SSUH2: variants seen among roughly 807,000 people sequenced by gnomAD.
The protein encoded by SSUH2 is protein SSUH2 homolog.
SSUH2 carries 47 observed loss-of-function variants against 55.3 expected under a neutral mutation model. The observed-to-expected ratio is 0.85, with a 90% CI of 0.67 to 1.08. The LOEUF is 1.08. Among genes scored for constraint, SSUH2 ranks in the 50% least tolerant of loss-of-function variants. SSUH2 has a pLI of 0.00. For synonymous variants in SSUH2, 212 were observed against 191.5 expected, an observed-to-expected ratio of 1.11 and a Z score of -0.89; for missense variants, 535 against 490.7, an observed-to-expected ratio of 1.09 and a Z score of -0.85.
intron 3 of SSUH2, among the ~76,000 whole-genome samples, chr3:8,674,001 G>A (rs114180775): frequency 1.6e-4 from 25 of 152,334 alleles, no homozygotes; most frequent in African/African-American, 3.1e-4. Context: ...GCTTTAGTCC[G>A]TCAAAGCGCG....
intron 1 of SSUH2, among the ~76,000 whole-genome samples, chr3:8,639,137 C>T (rs550710270): frequency 1.3e-5 from 2 of 152,308 alleles, no homozygotes; most frequent in Admixed American, 1.3e-4. Flanking sequence ...TCTTGACGGG[C>T]TCAGCAGGGA....
At position 8,633,677 on chromosome 3, in the gene SSUH2, T is replaced by C; in HGVS notation, c.328A>G (p.Thr110Ala). The C allele has an allele frequency of 6.6e-7, 1 of 1,524,098 alleles. No individual in the cohort carries two copies. The highest frequency in any genetic ancestry group is 8.8e-7 in the Non-Finnish European group (1 of 1,137,328). The allele number at this position is 1,524,098 out of a possible 1,614,324, so 94.4% of individuals were successfully genotyped here. Reference protein sequence around the residue: ...DLVIQELKRQTLCRYRLETFS... With the variant: ...DLVIQELKRQALCRYRLETFS... ...CCCTGGCCTCTCACCCTGCAGAGGG[T>C]CTGCCGCTTCAGCTCCTGGATGACG... Residue 110 changes from threonine to alanine, a missense_variant, in exon 4 of 12, where the codon ACC becomes GCC. Transcript: ENST00000544814.
chr3:8,631,313 A>T (rs1473488569), intron 5 of SSUH2, among the ~76,000 whole-genome samples: 2 of 152,194 alleles, frequency 1.3e-5, no homozygotes, highest in African/African-American at 4.8e-5. Context: ...TACTGAGGGG[A>T]TGACACACAA....
At chr3:8,659,577 T>C in intron 6 of SSUH2, 2 of 332,674 alleles carry the variant, frequency 6.0e-6, no homozygotes, top group Non-Finnish European at 1.2e-5. Context: ...CCATATCATG[T>C]CTTTCCAGCT....
intron 1 of SSUH2, among the ~76,000 whole-genome samples, chr3:8,641,386 T>A (rs1700816171): frequency 6.6e-6 from 1 of 152,184 alleles, no homozygotes; most frequent in Non-Finnish European, 1.5e-5. Context: ...TCACTCAATT[T>A]TTTAGGGCCT....
chr3:8,637,887 A>AAT (rs1700180593), intron 1 of SSUH2, among the ~76,000 whole-genome samples: 1 of 152,154 alleles, frequency 6.6e-6, no homozygotes, highest in Non-Finnish European at 1.5e-5. Context: ...AACCTATTTA[A>AAT]AGCCCGTAGT....
chr3:8,667,860 G>C (rs1704130539), intron 5 of SSUH2, among the ~76,000 whole-genome samples: 1 of 152,030 alleles, frequency 6.6e-6, no homozygotes, highest in South Asian at 2.1e-4. Context: ...CCAGGAAACG[G>C]GAATGAAGAC....
upstream of SSUH2, chr3:8,644,891 A>G: frequency 1.3e-6 from 1 of 764,858 alleles, no homozygotes; most frequent in East Asian, 2.7e-5. Flanking sequence ...ACAAAGGGAA[A>G]CATCTATATC....
rs1363414365 is a variant in SSUH2, at chr3:8,627,746, G to C, written c.626C>G (p.Ala209Gly). The C allele has an allele frequency of 6.2e-7, 1 of 1,610,448 alleles. No homozygotes were observed. The change falls in exon 8 of 12, where the codon GCC becomes GGC. Residue 209 changes from alanine (A) to glycine (G), a missense_variant. Physicochemically the swap from Ala to Gly is moderately conservative, Grantham distance 60 (BLOSUM62 0). Coordinates refer to ENST00000544814, the MANE Select transcript of SSUH2 (RefSeq NM_001256748.3). ...CAGCTGACATCTCCGGGACTGCTTGGCTTTGCGCTTGGCTCCGCAGCAGGA... is the reference window on the plus strand; with the variant it reads ...CAGCTGACATCTCCGGGACTGCTTGCCTTTGCGCTTGGCTCCGCAGCAGGA... ...CPSCCGAKRK[A>G]KQSRRCQLCA...
chr3:8,679,222 CT>C lies in SSUH2; in HGVS notation c.-901+482del, dbSNP rs1388446018. The stretch of plus-strand genomic sequence containing the variant: ...CCCCCATCGCAGGGGGGATGGCACC[CT>C]CCGTGAGCGGGGACTGAGAGCCAGC... On this transcript the variant is annotated intron_variant, in intron 2 of 18. Coordinates refer to the SSUH2 transcript ENST00000317371. 7.6e-3 allele frequency among the ~76,000 whole-genome samples: 20 copies of C among 2,628 alleles called. 3 individuals carry two copies. In the South Asian group the frequency reaches 0.12, roughly 16 times the overall value. The allele number at this position is 2,628 out of a possible 152,430, so 1.7% of individuals were successfully genotyped here.
intron 1 of SSUH2, among the ~76,000 whole-genome samples, chr3:8,681,157 T>C (rs1206215634): frequency 7.9e-6 from 1 of 126,968 alleles, no homozygotes; most frequent in Non-Finnish European, 1.7e-5. Flanking sequence ...AGGACTTCCA[T>C]AGCAGGGGGG....
At chr3:8,624,905 G>A (rs56277935) in intron 10 of SSUH2, among the ~76,000 whole-genome samples, 49 of 152,024 alleles carry the variant, frequency 3.2e-4, no homozygotes, top group Admixed American at 1.0e-3. Context: ...CTGTCCCCTC[G>A]CTCCCACGCC....
At chr3:8,636,590 T>C (rs559172186) in intron 1 of SSUH2, among the ~76,000 whole-genome samples, 3 of 152,058 alleles carry the variant, frequency 2.0e-5, no homozygotes, top group Non-Finnish European at 4.4e-5. Context: ...CTTCCTCCAG[T>C]GGACAATCTT....
rs569412787 is a variant in SSUH2 at position 8,678,737 on chromosome 3, C to A, written c.-901+968G>T. ...GGACCCCCAACGTGGGGGGGGGAGG[C>A]ACCACACGCGAGGCGGGGAAAGAGA... On this transcript the variant is annotated intron_variant, in intron 2 of 18. Transcript: ENST00000317371. Among the ~76,000 whole-genome samples, 13 of 79,118 alleles carry A rather than the reference C, an allele frequency of 1.6e-4. 6 individuals carry two copies. Among genetic ancestry groups the A allele is most frequent in the Non-Finnish European group, 3.7e-4 (13 of 35,346 alleles). 51.9% of individuals were successfully genotyped at this position (79,118 alleles called of 152,430 possible).
intron 1 of SSUH2, among the ~76,000 whole-genome samples, chr3:8,680,057 C>G (rs56174965): frequency 0.24 from 36,756 of 152,032 alleles, 5,103 homozygotes; most frequent in East Asian, 0.41. Context: ...TGGGGCTACC[C>G]GATCTGACAA....
At chr3:8,640,512 C>T (rs1201037249) in intron 1 of SSUH2, among the ~76,000 whole-genome samples, 1 of 152,154 alleles carries the variant, frequency 6.6e-6, no homozygotes, top group African/African-American at 2.4e-5. Flanking sequence ...AGAAAGGATT[C>T]TCATCTGCCC....
chr3:8,629,713 C>T lies in SSUH2; in HGVS notation c.539G>A (p.Cys180Tyr), dbSNP rs769066426. The change falls in exon 7 of 12, where the codon TGC becomes TAC. Residue 180 changes from cysteine to tyrosine, a missense_variant. Cys to Tyr is a radical substitution (Grantham distance 194). Coordinates refer to ENST00000544814, the MANE Select transcript of SSUH2 (RefSeq NM_001256748.3). ...GCACTTGTACCGCCCACGCCCATGG[C>T]ATTTGTGGCATTCCTGAAAGTGCAA... is the stretch of plus-strand genomic sequence containing the variant. ...HSSLVKECHK[C>Y]HGRGRYKCSG... is the part of the protein sequence containing the mutation. 25 of 1,614,108 alleles carry T rather than the reference C, an allele frequency of 1.5e-5. No individual in the cohort carries two copies. Among genetic ancestry groups the T allele is most frequent in the Non-Finnish European group, 2.1e-5 (25 of 1,180,046 alleles).
At chr3:8,653,098 C>T (rs930029753) in intron 7 of SSUH2, among the ~76,000 whole-genome samples, 1 of 152,192 alleles carries the variant, frequency 6.6e-6, no homozygotes, top group African/African-American at 2.4e-5. Flanking sequence ...AGAATGGACA[C>T]CTTTTTGGAT....
At chr3:8,668,456 T>A (rs1303391183) in intron 5 of SSUH2, among the ~76,000 whole-genome samples, 1 of 152,266 alleles carries the variant, frequency 6.6e-6, no homozygotes, top group East Asian at 1.9e-4. Context: ...AAATCTAACA[T>A]TAATGAAATA....
Sources: allele counts gnomAD v4.1 joint callset (sites outside exome capture counted in the v4.1 genomes callset), GRCh38; gene constraint gnomAD v4.1.1; transcripts MANE v1.5; gene names NCBI Gene and HGNC (gene_info 2026-07-23, HGNC 2026-07-21).